HMMR: variants seen among roughly 807,000 people sequenced by gnomAD.
The protein encoded by HMMR is intracellular hyaluronic acid-binding protein.
A neutral mutation model predicts 101.0 loss-of-function variants in HMMR; 108 were observed. That is an observed-to-expected ratio of 1.07 (90% confidence interval 0.92 to 1.25). The LOEUF (loss-of-function observed/expected upper bound fraction) is 1.25, where lower values mean the gene tolerates loss of function less well. Ranked by LOEUF, HMMR falls within the 50% of genes most tolerant of loss-of-function variation. HMMR has a pLI of 0.00. For synonymous variants in HMMR, 296 were observed against 276.4 expected (o/e 1.07, Z -0.70); for missense variants, 813 against 788.7 (o/e 1.03, Z -0.37).
chr5:163,488,024 T>G (rs1759539732), intron 16 of HMMR, among the ~76,000 whole-genome samples: 1 of 152,094 alleles, frequency 6.6e-6, no homozygotes, highest in Non-Finnish European at 1.5e-5. Context: ...TCCGGCTAAT[T>G]TTTCTACTTT....
rs1033098368 is a variant in HMMR, at chr5:163,471,246, G to C, written c.524G>C (p.Arg175Thr). Residue 175 changes from arginine to threonine, a missense_variant, in exon 6 of 18, where the codon AGA (arginine) becomes ACA (threonine). By Grantham distance (71) the Arg-to-Thr change is moderately conservative. Coordinates refer to ENST00000393915, the MANE Select transcript of HMMR (RefSeq NM_001142556.2). ...RILSLELMKL[R>T]NKRETKMRGM... is the part of the protein sequence containing the mutation. Reference sequence around the variant, plus strand: ...CTAAGCTTGGAGTTGATGAAACTTAGAAACAAAAGAGAAACAAAGATGAGG... The same window carrying C: ...CTAAGCTTGGAGTTGATGAAACTTACAAACAAAAGAGAAACAAAGATGAGG... The C allele has an allele frequency of 3.7e-6, 6 of 1,613,316 alleles. No individual in the cohort carries two copies. The African/African-American group carries it at 8.0e-5, about 22-fold the overall frequency.
chr5:163,478,454 A>T (rs934780077), intron 11 of HMMR, among the ~76,000 whole-genome samples: 1 of 152,198 alleles, frequency 6.6e-6, no homozygotes, highest in Non-Finnish European at 1.5e-5. Context: ...TTCTTCACCC[A>T]AATTTTTAAA....
At chr5:163,469,267 G>T (rs1006339348) in intron 4 of HMMR, among the ~76,000 whole-genome samples, 1 of 151,718 alleles carries the variant, frequency 6.6e-6, no homozygotes, top group South Asian at 2.1e-4. Flanking sequence ...GGGAGGCTGA[G>T]GCAGGAGAAT....
At chr5:163,466,624 A>T (rs566758176) in intron 3 of HMMR, among the ~76,000 whole-genome samples, 7 of 152,318 alleles carry the variant, frequency 4.6e-5, no homozygotes, top group Admixed American at 3.9e-4. Context: ...AATATACATA[A>T]ACATTTCTGA....
intron 10 of HMMR, among the ~76,000 whole-genome samples, chr5:163,474,965 A>G (rs148022841): frequency 2.2e-3 from 329 of 152,224 alleles, no homozygotes; most frequent in African/African-American, 7.6e-3. Context: ...AGGCATATAT[A>G]TTCCAAACTA....
chr5:163,474,553 C>T (rs936577176), intron 10 of HMMR: 12 of 457,108 alleles, frequency 2.6e-5, no homozygotes, highest in African/African-American at 2.2e-4. Flanking sequence ...TTTTAAAATC[C>T]AGATTATTTA....
chr5:163,490,368 C>T, intron 16 of HMMR, 22 bp from the exon 17 acceptor site: 1 of 1,446,698 alleles, frequency 6.9e-7, no homozygotes, highest in Non-Finnish European at 9.5e-7. Flanking sequence ...TTGTTTATTA[C>T]CTATTATTTC....
rs546461653 is a variant in HMMR at position 163,470,667 on chromosome 5, A to G, written c.463-518A>G. ...TCTTACAAAAATAAAATAAAAATAA[A>G]CCAGCAAGTCACATTAAGGAAAAGA... On this transcript the variant is annotated intron_variant, in intron 5 of 17. Coordinates refer to ENST00000393915, the MANE Select transcript of HMMR (RefSeq NM_001142556.2). 2.0e-5 allele frequency among the ~76,000 whole-genome samples: 3 copies of G among 152,188 alleles called. No homozygotes were observed. In the South Asian group the frequency reaches 6.2e-4, roughly 32 times the overall value.
intron 10 of HMMR, chr5:163,474,610 A>G (rs900162036): frequency 2.2e-6 from 1 of 455,558 alleles, no homozygotes; most frequent in Admixed American, 2.4e-5. Context: ...CCACTGAAAA[A>G]TTATGGGCAT....
chr5:163,471,525 C>A, intron 7 of HMMR, 62 bp downstream of exon 7: 1 of 1,103,916 alleles, frequency 9.1e-7, no homozygotes, highest in African/African-American at 1.5e-5. Flanking sequence ...TGAGTCTCTT[C>A]ACAAATTATT....
In HMMR at chr5:163,473,491, ATT is replaced by A. The variant is rs758087417; in HGVS notation, c.839_840del (p.Ile280SerfsTer5). The A allele has an allele frequency of 3.8e-6, 6 of 1,598,574 alleles. No homozygotes were observed. The African/African-American group carries it at 6.7e-5, about 18-fold the overall frequency. On this transcript the variant is annotated frameshift_variant, in exon 9 of 18. Coordinates refer to ENST00000393915, the MANE Select transcript of HMMR (RefSeq NM_001142556.2). LOFTEE classifies it high-confidence loss of function. ...CCTTAAGCAGTCTCTTGAGGAGAAT[ATT>A]GTTATATTATCTAAACAAGTAGAAG... ...LSLKQSLEEN[I>X]VILSKQVEDL...
At chr5:163,468,686 A>T (rs1758775102) in intron 4 of HMMR, among the ~76,000 whole-genome samples, 1 of 152,170 alleles carries the variant, frequency 6.6e-6, no homozygotes, top group Non-Finnish European at 1.5e-5. Flanking sequence ...TGATACTTAC[A>T]GGAATAATCA....
intron 1 of HMMR, among the ~76,000 whole-genome samples, chr5:163,461,499 A>G (rs751841798): frequency 2.6e-5 from 4 of 152,180 alleles, no homozygotes; most frequent in Non-Finnish European, 5.9e-5. Flanking sequence ...CTCATCATTT[A>G]AGATGCTGTA....
At chr5:163,485,590 C>T (rs779477575) in intron 16 of HMMR, among the ~76,000 whole-genome samples, 3 of 152,084 alleles carry the variant, frequency 2.0e-5, no homozygotes, top group African/African-American at 7.2e-5. Context: ...GTATTATTTG[C>T]GAATATCTTC....
At chr5:163,471,096 G>T in intron 5 of HMMR, 89 bp from the exon 6 acceptor site, 1 of 784,720 alleles carries the variant, frequency 1.3e-6, no homozygotes, top group Non-Finnish European at 2.1e-6. Context: ...CATAACCCCA[G>T]TGATAGGTAG....
chr5:163,467,989 C>A (rs1347647129), intron 4 of HMMR, among the ~76,000 whole-genome samples: 1 of 152,204 alleles, frequency 6.6e-6, no homozygotes, highest in African/African-American at 2.4e-5. Flanking sequence ...AAACTGATAA[C>A]TGAAAAATCA....
chr5:163,489,617 A>G (rs528373022), intron 16 of HMMR, among the ~76,000 whole-genome samples: 1 of 151,888 alleles, frequency 6.6e-6, no homozygotes, highest in African/African-American at 2.4e-5. Flanking sequence ...GTGTAGAACC[A>G]TCCCCCTCAT....
chr5:163,473,689 T>C, intron 9 of HMMR, 132 bp downstream of exon 9: 1 of 585,176 alleles, frequency 1.7e-6, no homozygotes, highest in South Asian at 2.7e-5. Flanking sequence ...ATTAGCTATA[T>C]AGCTATACAA....
At chr5:163,489,856 C>G (rs139208475) in intron 16 of HMMR, among the ~76,000 whole-genome samples, 2,051 of 152,204 alleles carry the variant, frequency 0.013, 33 homozygotes, top group Middle Eastern at 0.034. Flanking sequence ...AAAAGAGGGC[C>G]CTGTGCTTTT....
Sources: gnomAD v4.1 joint callset for allele counts (sites outside exome capture counted in the v4.1 genomes callset) on GRCh38, gnomAD v4.1.1 for gene constraint, MANE v1.5 for transcripts, NCBI Gene and HGNC (gene_info 2026-07-23, HGNC 2026-07-21) for gene names.